Variants in ADAMTS6 observed in about 807,000 individuals in gnomAD.
ADAMTS6 encodes A disintegrin and metalloproteinase with thrombospondin motifs 6.
ADAMTS6 carries 23 observed loss-of-function variants against 144.3 expected under a neutral mutation model. The observed-to-expected ratio is 0.16, with a 90% CI of 0.11 to 0.23. ADAMTS6 has a LOEUF of 0.23. ADAMTS6 is among the 10% of genes least tolerant of loss of function. The probability of loss-of-function intolerance (pLI) is 1.00; values close to 1 mark genes in which losing one functional copy is unlikely to be tolerated. For synonymous variants in ADAMTS6, 444 were observed against 457.5 expected (o/e 0.97, Z 0.38); for missense variants, 999 against 1,379.6 (o/e 0.72, Z 4.37).
At chr5:65,244,827 T>C (rs189095067) in intron 14 of ADAMTS6, among the ~76,000 whole-genome samples, 24 of 152,306 alleles carry the variant, frequency 1.6e-4, no homozygotes, top group African/African-American at 5.8e-4. Context: ...TTACAGGTTT[T>C]AGCTTCCTTA....
At chr5:65,339,174 CG>C (rs1747590210) in intron 7 of ADAMTS6, among the ~76,000 whole-genome samples, 1 of 152,164 alleles carries the variant, frequency 6.6e-6, no homozygotes, top group Non-Finnish European at 1.5e-5. Flanking sequence ...AAGCCCACCC[CG>C]GCAAAGCTAT....
chr5:65,378,623 A>G (rs1432630854), intron 7 of ADAMTS6, among the ~76,000 whole-genome samples: 1 of 152,118 alleles, frequency 6.6e-6, no homozygotes, highest in African/African-American at 2.4e-5. Context: ...TCATCCCCCT[A>G]AAGAAGCAAC....
At chr5:65,374,874 A>G (rs1580532387) in intron 7 of ADAMTS6, among the ~76,000 whole-genome samples, 1 of 152,232 alleles carries the variant, frequency 6.6e-6, no homozygotes, top group Non-Finnish European at 1.5e-5. Context: ...ACAAGGCTAC[A>G]GTAACCAACA....
In ADAMTS6 at chr5:65,217,633, A is replaced by C. The variant is rs77170416; in HGVS notation, c.2273-2146T>G. On this transcript the variant is annotated intron_variant, in intron 18 of 24. Transcript: ENST00000381055. ...CAAAATTATGGTGTAAAAATAAAGG[A>C]GTCTTCTTAAATAAAAGAAGAGCCT... Among the ~76,000 whole-genome samples, 978 of 152,298 alleles carry C rather than the reference A, an allele frequency of 6.4e-3. 8 individuals are homozygous for C. Among genetic ancestry groups the C allele is most frequent in the African/African-American group, 0.021 (884 of 41,560 alleles).
At chr5:65,256,514 T>A (rs1760673871) in intron 14 of ADAMTS6, 1 of 152,184 alleles carries the variant, frequency 6.6e-6, no homozygotes. Context: ...TATATATGTA[T>A]CCATAATATA....
At chr5:65,263,093 T>TA in intron 12 of ADAMTS6, 131 bp from the exon 13 acceptor site, 1 of 1,127,538 alleles carries the variant, frequency 8.9e-7, no homozygotes, top group Non-Finnish European at 1.3e-6. Flanking sequence ...AGACAGATAG[T>TA]TCTCTAACTG....
chr5:65,373,727 A>T (rs191188944), intron 7 of ADAMTS6, among the ~76,000 whole-genome samples: 327 of 152,340 alleles, frequency 2.1e-3, no homozygotes, highest in African/African-American at 7.4e-3. Context: ...CAATCAATAG[A>T]AATAGAGGGA....
rs182920966 is a variant in ADAMTS6, at chr5:65,289,699, C to T, written c.1512+1630G>A. Among the ~76,000 whole-genome samples the T allele has an allele frequency of 2.1e-3, 315 of 152,126 alleles. 3 individuals are homozygous for T. Among genetic ancestry groups the T allele is most frequent in the African/African-American group, 7.2e-3 (300 of 41,514 alleles). On this transcript the variant is annotated intron_variant, in intron 11 of 24. Coordinates refer to ENST00000381055, the MANE Select transcript of ADAMTS6 (RefSeq NM_197941.4). ...TATTTGAGAGAGAAAAAGACTATAT[C>T]GTGTAGCCATAGATTCTATAAAACT...
intron 7 of ADAMTS6, among the ~76,000 whole-genome samples, chr5:65,364,419 C>A (rs1413567028): frequency 2.6e-5 from 4 of 152,114 alleles, no homozygotes; most frequent in Non-Finnish European, 5.9e-5. Context: ...TCATGTTGCA[C>A]AACACCAGAG....
intron 7 of ADAMTS6, among the ~76,000 whole-genome samples, chr5:65,424,314 A>G (rs1756320290): frequency 6.6e-6 from 1 of 152,226 alleles, no homozygotes; most frequent in African/African-American, 2.4e-5. Flanking sequence ...AGGCAATTAA[A>G]TGGACAGTTT....
chr5:65,198,893 C>T (rs974536697), intron 20 of ADAMTS6: 1 of 152,156 alleles, frequency 6.6e-6, no homozygotes, highest in Admixed American at 6.5e-5. Flanking sequence ...TCACATCAGG[C>T]ATAGTTGTGA....
At chr5:65,262,739 G>C in intron 13 of ADAMTS6, 78 bp downstream of exon 13, 1 of 1,411,984 alleles carries the variant, frequency 7.1e-7, no homozygotes, top group Non-Finnish European at 9.2e-7. Flanking sequence ...CGTTTTTACA[G>C]ATAACATGTG....
chr5:65,353,038 A>C (rs1451344423), intron 7 of ADAMTS6, among the ~76,000 whole-genome samples: 1 of 151,982 alleles, frequency 6.6e-6, no homozygotes, highest in Admixed American at 6.6e-5. Context: ...TTCTCCTTAG[A>C]TCTTTATATG....
chr5:65,424,405 A>G (rs1204524429), intron 7 of ADAMTS6, among the ~76,000 whole-genome samples: 1 of 152,230 alleles, frequency 6.6e-6, no homozygotes, highest in East Asian at 1.9e-4. Flanking sequence ...CTGTTTGTAA[A>G]TTGGGACTTT....
At chr5:65,401,256 G>A (rs935129552) in intron 7 of ADAMTS6, among the ~76,000 whole-genome samples, 2 of 152,074 alleles carry the variant, frequency 1.3e-5, no homozygotes, top group Non-Finnish European at 2.9e-5. Context: ...CTGAACTCTT[G>A]AACAAATATT....
At chr5:65,210,697 G>T in intron 20 of ADAMTS6, 1 of 643,346 alleles carries the variant, frequency 1.6e-6, no homozygotes, top group Non-Finnish European at 2.9e-6. Flanking sequence ...ATTTAATGTG[G>T]AAGTACACCA....
intron 24 of ADAMTS6, among the ~76,000 whole-genome samples, chr5:65,163,104 C>A (rs943617015): frequency 6.6e-6 from 1 of 152,104 alleles, no homozygotes; most frequent in African/African-American, 2.4e-5. Flanking sequence ...GAGACAGTGT[C>A]TCACTATGCT....
chr5:65,381,771 T>C (rs1752071084), intron 7 of ADAMTS6, among the ~76,000 whole-genome samples: 3 of 151,976 alleles, frequency 2.0e-5, no homozygotes, highest in South Asian at 2.1e-4. Context: ...AGATTCTTCA[T>C]AGAGTTTAAA....
At chr5:65,210,557 T>C in intron 20 of ADAMTS6, 1 of 536,018 alleles carries the variant, frequency 1.9e-6, no homozygotes, top group Non-Finnish European at 3.3e-6. Context: ...ATCTGCTATC[T>C]GGATGCAGGC....
Sources: gnomAD v4.1 joint callset for allele counts (sites outside exome capture counted in the v4.1 genomes callset) on GRCh38, gnomAD v4.1.1 for gene constraint, MANE v1.5 for transcripts, NCBI Gene and HGNC (gene_info 2026-07-23, HGNC 2026-07-21) for gene names.